The following GSDME variants were observed in gnomAD, a reference collection of about 807,000 sequenced individuals.
GSDME encodes gasdermin E.
A neutral mutation model predicts 47.5 loss-of-function variants in GSDME; 44 were observed. That is an observed-to-expected ratio of 0.93 (90% confidence interval 0.73 to 1.19). The LOEUF is 1.19. GSDME is among the 50% of genes most tolerant of loss of function. GSDME has a pLI of 0.00. For missense variants in GSDME, 663 were observed against 604.2 expected, an observed-to-expected ratio of 1.10 and a Z score of -1.02; for synonymous variants, 258 against 252.8, an observed-to-expected ratio of 1.02 and a Z score of -0.20.
chr7:24,710,077 G>A, intron 6 of GSDME, 147 bp downstream of exon 6: 1 of 882,050 alleles, frequency 1.1e-6, no homozygotes. Context: ...CTGCCGAGTG[G>A]ACTGGGCCTC....
intron 2 of GSDME, among the ~76,000 whole-genome samples, chr7:24,748,453 C>T (rs1366196674): frequency 2.6e-5 from 4 of 151,980 alleles, no homozygotes; most frequent in East Asian, 1.9e-4. Context: ...CCACCACGCC[C>T]GGCCTACAGT....
At chr7:24,771,771 C>T in the GSDME span, among the ~76,000 whole-genome samples, 3 of 152,284 alleles carry the variant, frequency 2.0e-5, no homozygotes, top group South Asian at 6.2e-4. This position sits in a 1 kb window ranked among gnomAD's most constrained non-coding sequence, Gnocchi z 4.1. Context: ...TGCTCCCGTA[C>T]CTGCCTGGCT....
At position 24,710,224 on chromosome 7, in the gene GSDME, C is replaced by T; in HGVS notation, c.862G>A (p.Ala288Thr). The change falls in exon 6 of 10, where the codon GCG becomes ACG. Residue 288 changes from alanine (A) to threonine (T), a missense_variant and splice_region_variant. Transcript: ENST00000645220. ...ACTACTCCTGCCCTGCTGGCAATAC[C>T]TTGCTTTAAAACACTTAATGGTCCA... ...QDGPLSVLKQATLLLERNFHP... is the reference protein window; with the variant it reads ...QDGPLSVLKQTTLLLERNFHP... 1.9e-6 allele frequency: 3 copies of T among 1,613,738 alleles called. No homozygotes were observed. Among genetic ancestry groups the T allele is most frequent in the Non-Finnish European group, 2.5e-6 (3 of 1,180,022 alleles).
At chr7:24,748,144 GTATATATATATATATA>G (rs149368687) in intron 2 of GSDME, among the ~76,000 whole-genome samples, 1 of 140,978 alleles carries the variant, frequency 7.1e-6, no homozygotes, top group Non-Finnish European at 1.5e-5. Flanking sequence ...ATTATATAGA[GTATATATATATATATA>G]TATATATATT....
At chr7:24,748,169 T>TTA (rs1554331273) in intron 2 of GSDME, among the ~76,000 whole-genome samples, 1 of 84,894 alleles carries the variant, frequency 1.2e-5, no homozygotes, top group East Asian at 1.2e-3. Flanking sequence ...TATATATATA[T>TTA]TTTTTTTTGA....
chr7:24,699,990 A>T (rs572567962), intron 9 of GSDME, among the ~76,000 whole-genome samples: 1 of 152,044 alleles, frequency 6.6e-6, no homozygotes, highest in South Asian at 2.1e-4. Flanking sequence ...CCTTCTTCCA[A>T]ATTTCCCTGT....
intron 3 of GSDME, among the ~76,000 whole-genome samples, chr7:24,743,184 C>T (rs1029230592): frequency 6.6e-6 from 1 of 152,186 alleles, no homozygotes; most frequent in Non-Finnish European, 1.5e-5. Context: ...GTACAAAATC[C>T]ACCCACCTAA....
At chr7:24,776,829 C>T in the GSDME span, among the ~76,000 whole-genome samples, 1 of 151,976 alleles carries the variant, frequency 6.6e-6, no homozygotes, top group African/African-American at 2.4e-5. Flanking sequence ...TCTTAAAAGA[C>T]TGGAAATTCA....
chr7:24,707,912 G>A, intron 7 of GSDME: 1 of 605,914 alleles, frequency 1.7e-6, no homozygotes, highest in East Asian at 2.8e-5. Context: ...TAAGCCCTCA[G>A]GTTTGTTGAG....
intron 9 of GSDME, among the ~76,000 whole-genome samples, chr7:24,700,312 A>ATATT (rs1428782867): frequency 4.6e-5 from 7 of 152,166 alleles, no homozygotes; most frequent in Non-Finnish European, 1.0e-4. Flanking sequence ...CATACTTGAA[A>ATATT]TATTTGATTT....
intron 8 of GSDME, chr7:24,703,355 T>C (rs1451131838): frequency 9.9e-6 from 2 of 202,848 alleles, no homozygotes; most frequent in African/African-American, 4.6e-5. Flanking sequence ...CAGTGCAGCG[T>C]GGCCTGAGGC....
chr7:24,710,463 C>G (rs1467644256), intron 5 of GSDME, 75 bp from the exon 6 acceptor site: 1 of 1,464,752 alleles, frequency 6.8e-7, no homozygotes, highest in Admixed American at 1.7e-5. Flanking sequence ...ACAGGGTCAG[C>G]CCAGCCTTGA....
intron 2 of GSDME, 66 bp downstream of exon 2, chr7:24,749,498 A>C (rs1313777389): frequency 5.2e-5 from 7 of 134,934 alleles, no homozygotes; most frequent in Non-Finnish European, 5.9e-5. Flanking sequence ...ACTCTGTGTC[A>C]AAAAAAAAAA....
chr7:24,709,731 C>T (rs528601793), intron 6 of GSDME, among the ~76,000 whole-genome samples: 2 of 152,318 alleles, frequency 1.3e-5, no homozygotes, highest in South Asian at 2.1e-4. Context: ...CTGGGCATGG[C>T]CCCTCTTCCT....
At chr7:24,715,906 G>A (rs1360939630) in intron 5 of GSDME, among the ~76,000 whole-genome samples, 1 of 152,128 alleles carries the variant, frequency 6.6e-6, no homozygotes, top group African/African-American at 2.4e-5. Context: ...CAGAATGAGA[G>A]AGGGAGACTC....
rs1789297730 is a variant in GSDME at position 24,710,299 on chromosome 7, A to AC, written c.786dup (p.Phe263ValfsTer42). ...GCATCTGGCATGTCTATGAATGCAA[A>AC]CTCTCGAAAGACCAGGGGGTCCAGG... On this transcript the variant is annotated frameshift_variant, in exon 6 of 10. Coordinates refer to ENST00000645220, the MANE Select transcript of GSDME (RefSeq NM_001127453.2). LOFTEE classifies it high-confidence loss of function. 1.9e-6 allele frequency: 3 copies of AC among 1,614,090 alleles called. No individual in the cohort carries two copies. The highest frequency in any genetic ancestry group is 1.7e-5 in the Admixed American group (1 of 60,004).
chr7:24,754,814 G>A lies in GSDME; in HGVS notation c.-20+2582C>T, dbSNP rs1303336495. On this transcript the variant is annotated intron_variant, in intron 1 of 9. Coordinates refer to ENST00000645220, the MANE Select transcript of GSDME (RefSeq NM_001127453.2). The surrounding 1 kb of genome is among the most constrained non-coding windows in gnomAD (Gnocchi z 5.0). ...GAGTTATCTAGTTTTTAAATTAGAA[G>A]AGAAACCTCATTCTTTCTCACACTC... is the stretch of plus-strand genomic sequence containing the variant. 6.6e-6 allele frequency among the ~76,000 whole-genome samples: 1 copy of A among 152,172 alleles called. No individual in the cohort carries two copies. Among genetic ancestry groups the A allele is most frequent in the Non-Finnish European group, 1.5e-5 (1 of 68,020 alleles).
At chr7:24,780,362 C>A in the GSDME span, among the ~76,000 whole-genome samples, 2 of 152,170 alleles carry the variant, frequency 1.3e-5, no homozygotes, top group Admixed American at 1.3e-4. This position sits in a 1 kb window ranked among gnomAD's most constrained non-coding sequence, Gnocchi z 4.1. Flanking sequence ...TCTCCAATGG[C>A]GAGAAAACTC....
At chr7:24,769,255 G>A in the GSDME span, among the ~76,000 whole-genome samples, 1 of 152,218 alleles carries the variant, frequency 6.6e-6, no homozygotes, top group Non-Finnish European at 1.5e-5. Flanking sequence ...ACCCTGAACT[G>A]TAACTGATGA....
Sources: gnomAD v4.1 joint callset for allele counts (sites outside exome capture counted in the v4.1 genomes callset) on GRCh38, gnomAD v4.1.1 for gene constraint, Gnocchi (gnomAD v3.1) non-coding constraint, MANE v1.5 for transcripts, NCBI Gene and HGNC (gene_info 2026-07-23, HGNC 2026-07-21) for gene names.